ANKDD1A: variants seen among roughly 807,000 people sequenced by gnomAD.
ANKDD1A encodes the protein ankyrin repeat and death domain-containing protein 1A.
In ANKDD1A, 59 loss-of-function variants were observed where a neutral mutation model predicts 63.5. That is an observed-to-expected ratio of 0.93 (90% CI 0.75 to 1.15). The LOEUF (loss-of-function observed/expected upper bound fraction) is 1.15. Among genes scored for constraint, ANKDD1A ranks in the 50% most tolerant of loss-of-function variants. The pLI is 0.00. For missense variants in ANKDD1A, 632 were observed against 656.4 expected, an observed-to-expected ratio of 0.96 and a Z score of 0.41; for synonymous variants, 266 against 263.9, an observed-to-expected ratio of 1.01 and a Z score of -0.08.
intron 1 of ANKDD1A, 60 bp from the exon 2 acceptor site, chr15:64,915,737 C>T (rs1246694884): frequency 6.8e-7 from 1 of 1,464,590 alleles, no homozygotes; most frequent in Non-Finnish European, 9.5e-7. Flanking sequence ...TTGTTTACCT[C>T]TCCTGTCTGC....
intron 14 of ANKDD1A, among the ~76,000 whole-genome samples, chr15:64,952,483 TCCTTCGTCACCGTC>T: frequency 6.9e-6 from 1 of 145,778 alleles, no homozygotes; most frequent in Admixed American, 6.8e-5. Context: ...TCCTTCTTCT[TCCTTCGTCACCGTC>T]TTCTCCTTCT....
intron 14 of ANKDD1A, among the ~76,000 whole-genome samples, chr15:64,954,629 TCC>T (rs2085392472): frequency 1.3e-4 from 4 of 29,668 alleles, no homozygotes; most frequent in Admixed American, 5.8e-4. Flanking sequence ...CTTTTCTTCT[TCC>T]TTTTCTTCTT....
intron 14 of ANKDD1A, among the ~76,000 whole-genome samples, chr15:64,953,387 TTC>T (rs2085338651): frequency 6.7e-6 from 1 of 148,688 alleles, no homozygotes; most frequent in South Asian, 2.1e-4. Context: ...TCCTTTCTTC[TTC>T]TTAGTTCTCC....
chr15:64,941,928 A>G (rs1023780860), intron 9 of ANKDD1A, among the ~76,000 whole-genome samples: 8 of 152,162 alleles, frequency 5.3e-5, no homozygotes, highest in Non-Finnish European at 1.0e-4. Flanking sequence ...CTAGGTACCT[A>G]GGTACTGGGG....
chr15:64,941,925 CCTAGGTACTGGGGGT>C (rs1397909765), intron 9 of ANKDD1A, among the ~76,000 whole-genome samples: 1 of 152,072 alleles, frequency 6.6e-6, no homozygotes, highest in Non-Finnish European at 1.5e-5. Context: ...GTACTAGGTA[CCTAGGTACTGGGGGT>C]GGGGACGTGG....
intron 14 of ANKDD1A, 92 bp from the exon 15 acceptor site, chr15:64,957,011 G>C (rs748401352): frequency 2.3e-6 from 1 of 429,062 alleles, no homozygotes; most frequent in Non-Finnish European, 4.6e-6. Flanking sequence ...CGAGCTAAAT[G>C]TATGCTCTTA....
rs537769348 is a variant in ANKDD1A, at chr15:64,912,100, G to C, written c.34+136G>C. The stretch of plus-strand genomic sequence containing the variant: ...GTGGGGCGTCTGTGTGGCTCCGAGC[G>C]GAATGGTTACCGGTCCGCGCACTGG... On this transcript the variant is annotated intron_variant, in intron 1 of 14. Transcript: ENST00000319580. The C allele has an allele frequency of 4.4e-6, 4 of 908,648 alleles. No individual in the cohort carries two copies. In the East Asian group the frequency reaches 1.3e-4, roughly 30 times the overall value. 56.3% of individuals were successfully genotyped at this position (908,648 alleles called of 1,614,324 possible).
In ANKDD1A at chr15:64,954,540, CCTTCTT is replaced by C. The variant is rs147574787; in HGVS notation, c.1484-2559_1484-2554del. On this transcript the variant is annotated intron_variant, in intron 14 of 14. Coordinates refer to ENST00000319580, the MANE Select transcript of ANKDD1A (RefSeq NM_182703.6). ...CTTTCTTCTCCTTCTTCCTCCTTCT[CCTTCTT>C]CTTTTCTTCTTCCTTCTCCTTGTTC... Among the ~76,000 whole-genome samples the C allele has an allele frequency of 1.2e-3, 173 of 145,132 alleles. 1 individual carries two copies. Among genetic ancestry groups the C allele is most frequent in the East Asian group, 2.3e-3 (11 of 4,796 alleles).
chr15:64,924,738 C>T (rs146630935), intron 4 of ANKDD1A, among the ~76,000 whole-genome samples: 2 of 152,210 alleles, frequency 1.3e-5, no homozygotes, highest in East Asian at 3.9e-4. Flanking sequence ...TTTCTTTGTT[C>T]TTCCTTGTTT....
chr15:64,917,231 T>A (rs1057046570), intron 2 of ANKDD1A, among the ~76,000 whole-genome samples, 155 bp from the exon 3 acceptor site: 1 of 152,148 alleles, frequency 6.6e-6, no homozygotes, highest in South Asian at 2.1e-4. Context: ...GAGGAGCATG[T>A]GGCAGAATGG....
chr15:64,943,009 C>G (rs766199559), intron 10 of ANKDD1A, among the ~76,000 whole-genome samples: 48 of 152,194 alleles, frequency 3.2e-4, no homozygotes, highest in Non-Finnish European at 5.1e-4. Context: ...GCATGGCTCA[C>G]AGAGCCACTG....
intron 14 of ANKDD1A, among the ~76,000 whole-genome samples, chr15:64,951,720 C>CGTTCCTTTCTTTTCTTTTTCTTT (rs1276132353): frequency 2.2e-5 from 3 of 136,252 alleles, no homozygotes; most frequent in African/African-American, 8.2e-5. Flanking sequence ...TCTTTTTCTT[C>CGTTCCTTTCTTTTCTTTTTCTTT]CCTTTTCTTC....
intron 4 of ANKDD1A, 125 bp downstream of exon 4, chr15:64,922,144 C>G: frequency 1.3e-6 from 1 of 749,308 alleles, no homozygotes; most frequent in Non-Finnish European, 2.2e-6. Flanking sequence ...CTGCCTGTCC[C>G]TCTTTCATCT....
chr15:64,951,987 C>A (rs776827904), intron 14 of ANKDD1A, among the ~76,000 whole-genome samples: 2 of 140,932 alleles, frequency 1.4e-5, no homozygotes, highest in Non-Finnish European at 3.1e-5. Flanking sequence ...CCTTCTTATT[C>A]TTCTTTCTTT....
At chr15:64,939,746 G>C (rs2085165712) in intron 9 of ANKDD1A, among the ~76,000 whole-genome samples, 1 of 152,220 alleles carries the variant, frequency 6.6e-6, no homozygotes, top group Non-Finnish European at 1.5e-5. Flanking sequence ...AGTGGAAGAA[G>C]GTTTGATAGC....
At position 64,955,849 on chromosome 15, in the gene ANKDD1A, T is replaced by G. The variant is rs138235437; in HGVS notation, c.1484-1254T>G. ...ATTGTCTGTCCACAATATACTTTTA[T>G]CCATTGGTCCAGCAATCCTACTCTA... is the stretch of plus-strand genomic sequence containing the variant. On this transcript the variant is annotated intron_variant, in intron 14 of 14. Transcript: ENST00000319580. Among the ~76,000 whole-genome samples, 204 of 152,308 alleles carry G rather than the reference T, an allele frequency of 1.3e-3. 1 individual carries two copies. The highest frequency in any genetic ancestry group is 4.1e-3 in the South Asian group (20 of 4,826).
chr15:64,949,929 G>A lies in ANKDD1A; in HGVS notation c.1440G>A (p.Ala480=), dbSNP rs375888904. ...VATAGENPSK[A]LFEGLVAIGR... ...CGGCTGGTGAGAACCCCAGCAAAGC[G>A]CTGTTCGAGGGCCTCGTGGCCATTG... The change falls in exon 14 of 15, where the codon GCG becomes GCA. Residue 480 remains alanine, a synonymous_variant. Coordinates refer to ENST00000319580, the MANE Select transcript of ANKDD1A (RefSeq NM_182703.6). 1.5e-4 allele frequency: 242 copies of A among 1,609,588 alleles called. 1 individual carries two copies. The East Asian group carries it at 3.9e-3, about 26-fold the overall frequency.
intron 14 of ANKDD1A, among the ~76,000 whole-genome samples, chr15:64,954,956 C>T (rs1410776972): frequency 1.3e-5 from 2 of 149,448 alleles, no homozygotes; most frequent in South Asian, 2.1e-4. Context: ...TCTTCTCTCT[C>T]CTTCTTCTTC....
chr15:64,954,816 TTC>T (rs2085398581), intron 14 of ANKDD1A, among the ~76,000 whole-genome samples: 1 of 150,298 alleles, frequency 6.7e-6, no homozygotes, highest in Admixed American at 6.6e-5. Flanking sequence ...TTCCTTGTTC[TTC>T]TCCTTCTTTT....
Sources: allele counts gnomAD v4.1 joint callset (sites outside exome capture counted in the v4.1 genomes callset), GRCh38; gene constraint gnomAD v4.1.1; transcripts MANE v1.5; gene names NCBI Gene and HGNC (gene_info 2026-07-23, HGNC 2026-07-21).